NOL10: variants seen among roughly 807,000 people sequenced by gnomAD.
NOL10 encodes nucleolar protein 10.
A neutral mutation model predicts 103.5 loss-of-function variants in NOL10; 58 were observed. The observed-to-expected ratio is 0.56, with a 90% confidence interval of 0.45 to 0.70. The LOEUF (loss-of-function observed/expected upper bound fraction) is 0.70, where lower values mean the gene tolerates loss of function less well. Ranked by LOEUF, NOL10 falls within the 30% of genes least tolerant of loss-of-function variation. The pLI, the probability that NOL10 is intolerant of heterozygous loss-of-function variation, is 0.00. For missense variants in NOL10, 763 were observed against 807.3 expected (o/e 0.95, Z 0.67); for synonymous variants, 287 against 282.5 (o/e 1.02, Z -0.16).
chr2:10,663,116 C>T lies in NOL10; in HGVS notation c.592-72G>A, dbSNP rs569769756. ...GCATGGTGGCTCATGCCTGTAATCC[C>T]AGCACTTTGGGAGGCCGAGGCGGGC... is the stretch of plus-strand genomic sequence containing the variant. On this transcript the variant is annotated intron_variant, in intron 8 of 20. Coordinates refer to ENST00000381685, the MANE Select transcript of NOL10 (RefSeq NM_024894.4). The T allele has an allele frequency of 5.2e-5, 68 of 1,304,638 alleles. No individual in the cohort carries two copies. In the African/African-American group the frequency reaches 8.6e-4, roughly 16 times the overall value. The allele number at this position is 1,304,638 out of a possible 1,614,324, so 80.8% of individuals were successfully genotyped here. A position where few individuals can be genotyped will look rare whatever the true frequency, so the allele number is the denominator to read the frequency against.
At chr2:10,682,239 G>C (rs1234293225) in intron 2 of NOL10, among the ~76,000 whole-genome samples, 170 bp from the exon 3 acceptor site, 2 of 152,080 alleles carry the variant, frequency 1.3e-5, no homozygotes, top group Non-Finnish European at 2.9e-5. Context: ...TTAAACAGCA[G>C]AGGTTTTTTC....
Position 10,659,413 on chromosome 2 carries a change from G to A in NOL10, c.678-163C>T, listed in dbSNP as rs151090643. On this transcript the variant is annotated intron_variant, in intron 9 of 20. Transcript: ENST00000381685. ...TAACTGCAGCCTGGTAAGATGACTC[G>A]CACCTGTAATACCAGCACTTTGGGA... Among the ~76,000 whole-genome samples the A allele has an allele frequency of 3.0e-3, 454 of 148,998 alleles. 2 individuals carry two copies. The highest frequency in any genetic ancestry group is 0.01 in the African/African-American group (404 of 40,380).
intron 3 of NOL10, among the ~76,000 whole-genome samples, chr2:10,678,551 C>T (rs1184831611): frequency 6.6e-6 from 1 of 151,958 alleles, no homozygotes; most frequent in Non-Finnish European, 1.5e-5. Flanking sequence ...CCAATGCTTC[C>T]AAAAGGAATC....
intron 9 of NOL10, 95 bp from the exon 10 acceptor site, chr2:10,659,345 G>C (rs985274366): frequency 1.2e-4 from 44 of 353,696 alleles, no homozygotes; most frequent in Admixed American, 7.8e-4. Context: ...ATCTAATGGG[G>C]GGGGGGGGGA....
At chr2:10,620,669 T>C (rs1057266376) in intron 13 of NOL10, among the ~76,000 whole-genome samples, 2 of 152,232 alleles carry the variant, frequency 1.3e-5, no homozygotes, top group Non-Finnish European at 2.9e-5. Flanking sequence ...TAAGTATGCA[T>C]AGTTTCCTCT....
At chr2:10,606,040 C>T (rs1176030504) in intron 14 of NOL10, among the ~76,000 whole-genome samples, 1 of 152,142 alleles carries the variant, frequency 6.6e-6, no homozygotes, top group Non-Finnish European at 1.5e-5. Context: ...GTAACTTCTG[C>T]TGTAGCCCTC....
chr2:10,634,315 G>C (rs1395384882), intron 13 of NOL10, among the ~76,000 whole-genome samples: 1 of 152,202 alleles, frequency 6.6e-6, no homozygotes, highest in Non-Finnish European at 1.5e-5. Flanking sequence ...CTGATGGACT[G>C]GATGACGAGG....
intron 20 of NOL10, among the ~76,000 whole-genome samples, chr2:10,576,172 C>G (rs1674441129): frequency 6.6e-6 from 1 of 152,090 alleles, no homozygotes; most frequent in South Asian, 2.1e-4. Context: ...AAACAACACA[C>G]CACTCACACC....
intron 11 of NOL10, among the ~76,000 whole-genome samples, chr2:10,657,309 T>A (rs1198343687): frequency 6.7e-6 from 1 of 148,784 alleles, no homozygotes; most frequent in East Asian, 1.9e-4. Flanking sequence ...CAGAGCAAAC[T>A]CTCTCAAAAA....
intron 13 of NOL10, chr2:10,634,399 A>G: frequency 2.3e-6 from 1 of 435,666 alleles, no homozygotes; most frequent in Admixed American, 2.4e-5. Flanking sequence ...AGCAACAACA[A>G]GGCTTCAGCT....
chr2:10,684,850 G>A (rs1330348585), intron 1 of NOL10, among the ~76,000 whole-genome samples: 1 of 151,792 alleles, frequency 6.6e-6, no homozygotes, highest in Admixed American at 6.6e-5. Flanking sequence ...TACTTTTTTA[G>A]AGACAGGGTC....
chr2:10,589,686 T>C lies in NOL10; in HGVS notation c.1488A>G (p.Val496=). 6.3e-7 allele frequency: 1 copy of C among 1,586,260 alleles called. No homozygotes were observed. The highest frequency in any genetic ancestry group is 8.6e-7 in the Non-Finnish European group (1 of 1,167,600). ...KVMFENPDFQ[V]DEESEEFRLL... is the part of the protein sequence containing the mutation. ...GCCTAAATTCTTCACTCTCTTCATC[T>C]ACTTGGAAGTCAGGGTTCTCAAACA... Residue 496 remains valine (V), a synonymous_variant, in exon 18 of 21, where the codon GTA becomes GTG. Coordinates refer to ENST00000381685, the MANE Select transcript of NOL10 (RefSeq NM_024894.4).
At position 10,570,798 on chromosome 2, in the gene NOL10, T is replaced by C. The variant is rs1472779818; in HGVS notation, c.*1273A>G. On this transcript the variant is annotated 3_prime_UTR_variant, in exon 21 of 21. Transcript: ENST00000381685. ...GAAAGTATATTTATTTTTATAAATG[T>C]TTCCTCCAGTAAGTTTATGTTTGAC... 2.0e-5 allele frequency: 3 copies of C among 151,884 alleles called. No individual in the cohort carries two copies. The highest frequency in any genetic ancestry group is 4.8e-5 in the African/African-American group (2 of 41,268). The allele number at this position is 151,884 out of a possible 1,614,324, so 9.4% of individuals were successfully genotyped here.
chr2:10,668,878 T>C (rs1407988392), intron 6 of NOL10, among the ~76,000 whole-genome samples, 155 bp from the exon 7 acceptor site: 1 of 152,216 alleles, frequency 6.6e-6, no homozygotes, highest in East Asian at 1.9e-4. Flanking sequence ...ATATCCACTT[T>C]ATGAATTTGT....
chr2:10,665,334 C>T (rs62127209), intron 8 of NOL10, among the ~76,000 whole-genome samples: 10,516 of 152,240 alleles, frequency 0.069, 562 homozygotes, highest in Non-Finnish European at 0.1. Flanking sequence ...TTTTCTATTA[C>T]CTAAATTTGA....
intron 17 of NOL10, among the ~76,000 whole-genome samples, chr2:10,595,507 G>C (rs1171154633): frequency 3.9e-5 from 6 of 152,108 alleles, no homozygotes; most frequent in African/African-American, 1.4e-4. Context: ...ATGTTGCCCA[G>C]GCTGGTCTTG....
At chr2:10,585,919 T>TA (rs1259987141) in intron 19 of NOL10, among the ~76,000 whole-genome samples, 1 of 152,212 alleles carries the variant, frequency 6.6e-6, no homozygotes, top group Non-Finnish European at 1.5e-5. Context: ...AATTTATGGA[T>TA]AAGGAACCCT....
At chr2:10,626,411 T>G (rs1338065458) in intron 13 of NOL10, among the ~76,000 whole-genome samples, 1 of 152,138 alleles carries the variant, frequency 6.6e-6, no homozygotes, top group East Asian at 1.9e-4. Flanking sequence ...AAAGTAGAGA[T>G]GGTGTAAGTC....
intron 17 of NOL10, among the ~76,000 whole-genome samples, chr2:10,590,231 C>T (rs975024362): frequency 1.6e-4 from 25 of 152,172 alleles, no homozygotes; most frequent in African/African-American, 6.0e-4. Flanking sequence ...CTCAGTCAGG[C>T]TCCCAAGTAG....
Sources: allele counts gnomAD v4.1 joint callset (sites outside exome capture counted in the v4.1 genomes callset), GRCh38; gene constraint gnomAD v4.1.1; transcripts MANE v1.5; gene names NCBI Gene and HGNC (gene_info 2026-07-23, HGNC 2026-07-21).